The following LOC400499 variants were observed in gnomAD, a reference collection of about 807,000 sequenced individuals.
At chr16:11,507,667 C>G in the LOC400499 span, among the ~76,000 whole-genome samples, 3 of 152,230 alleles carry the variant, frequency 2.0e-5, no homozygotes, top group African/African-American at 7.2e-5. Context: ...CGCAGTGGCT[C>G]ACGCCTGTAA....
the LOC400499 span, among the ~76,000 whole-genome samples, chr16:11,415,676 G>A: frequency 6.6e-6 from 1 of 152,196 alleles, no homozygotes; most frequent in Non-Finnish European, 1.5e-5. Context: ...TTAACGACAG[G>A]CAGAGCATCC....
chr16:11,391,749 C>T, the LOC400499 span: 36 of 1,232,078 alleles, frequency 2.9e-5, no homozygotes, highest in African/African-American at 3.3e-4. Context: ...TGCCTGGCTC[C>T]GGGCCCACAA....
At chr16:11,492,396 G>A in the LOC400499 span, among the ~76,000 whole-genome samples, 1 of 151,874 alleles carries the variant, frequency 6.6e-6, no homozygotes, top group East Asian at 1.9e-4. Context: ...CTAGGTGACA[G>A]CCATAAACAA....
At chr16:11,493,579 A>C in the LOC400499 span, 2 of 394,928 alleles carry the variant, frequency 5.1e-6, no homozygotes, top group East Asian at 3.6e-5. Context: ...GTGAATTAGC[A>C]AACTGTGGTT....
chr16:11,383,398 A>T, the LOC400499 span, among the ~76,000 whole-genome samples: 2 of 152,162 alleles, frequency 1.3e-5, no homozygotes, highest in Non-Finnish European at 1.5e-5. Flanking sequence ...ACCTGCTCTC[A>T]TGTGAACTAA....
At chr16:11,384,911 A>G in the LOC400499 span, 74 of 1,232,008 alleles carry the variant, frequency 6.0e-5, no homozygotes, top group Non-Finnish European at 7.3e-5. Context: ...GCCCAGAGTC[A>G]GGCTGCAGAG....
chr16:11,447,222 A>C, the LOC400499 span, among the ~76,000 whole-genome samples: 2 of 152,206 alleles, frequency 1.3e-5, no homozygotes, highest in Admixed American at 6.5e-5. Flanking sequence ...GAATCCAGGC[A>C]CGGTCTTTCA....
At chr16:11,372,469 C>T in the LOC400499 span, 1 of 152,294 alleles carries the variant, frequency 6.6e-6, no homozygotes, top group Non-Finnish European at 1.5e-5. Context: ...CGCACTGTCT[C>T]CTGGTTTGCA....
the LOC400499 span, chr16:11,487,394 T>C: frequency 2.5e-6 from 1 of 398,598 alleles, no homozygotes; most frequent in Non-Finnish European, 4.4e-6. Flanking sequence ...ACACTAGGAG[T>C]AAGACAAGAA....
At chr16:11,507,020 C>T in the LOC400499 span, among the ~76,000 whole-genome samples, 239 of 152,304 alleles carry the variant, frequency 1.6e-3, 2 homozygotes, top group Non-Finnish European at 2.9e-3. Context: ...AAGTAAAAGA[C>T]AGCCGCACAG....
the LOC400499 span, among the ~76,000 whole-genome samples, chr16:11,445,668 G>A: frequency 2.6e-5 from 4 of 152,184 alleles, no homozygotes; most frequent in Non-Finnish European, 5.9e-5. Flanking sequence ...AGGCCACGAA[G>A]CAGGGCTGAG....
At chr16:11,414,077 T>C in the LOC400499 span, among the ~76,000 whole-genome samples, 6 of 152,192 alleles carry the variant, frequency 3.9e-5, no homozygotes, top group South Asian at 6.2e-4. Context: ...TGACCCAAGA[T>C]TGCAGGGCAG....
At chr16:11,469,113 G>T in the LOC400499 span, 5 of 399,128 alleles carry the variant, frequency 1.3e-5, no homozygotes, top group Non-Finnish European at 2.2e-5. Flanking sequence ...TGGTACGGGG[G>T]AAGGAAATCC....
chr16:11,507,188 G>T, the LOC400499 span, among the ~76,000 whole-genome samples: 3 of 152,198 alleles, frequency 2.0e-5, no homozygotes, highest in Non-Finnish European at 4.4e-5. Flanking sequence ...AAGCCATGAG[G>T]TTCGGCAGTG....
the LOC400499 span, among the ~76,000 whole-genome samples, chr16:11,416,561 T>C: frequency 6.6e-6 from 1 of 152,124 alleles, no homozygotes; most frequent in Non-Finnish European, 1.5e-5. Context: ...ATCCCTGCCC[T>C]CACAGAGCAC....
chr16:11,448,176 A>G, the LOC400499 span: 2 of 1,368,070 alleles, frequency 1.5e-6, no homozygotes, highest in South Asian at 3.0e-5. Context: ...CCTGCCCATC[A>G]CCCCCAGAAA....
At chr16:11,434,050 G>A in the LOC400499 span, among the ~76,000 whole-genome samples, 2 of 152,210 alleles carry the variant, frequency 1.3e-5, no homozygotes, top group South Asian at 2.1e-4. Flanking sequence ...CTCAGAAGCA[G>A]AGGGAGGACA....
At chr16:11,490,816 T>C in the LOC400499 span, among the ~76,000 whole-genome samples, 1 of 152,374 alleles carries the variant, frequency 6.6e-6, no homozygotes, top group Admixed American at 6.5e-5. Flanking sequence ...CAAGTTCTGA[T>C]GTAATACACA....
the LOC400499 span, among the ~76,000 whole-genome samples, chr16:11,464,843 G>C: frequency 6.6e-6 from 1 of 152,316 alleles, no homozygotes; most frequent in East Asian, 1.9e-4. Flanking sequence ...GAGGCAATCC[G>C]TGCTTGCACA....
Sources: allele counts gnomAD v4.1 joint callset (sites outside exome capture counted in the v4.1 genomes callset), GRCh38; gene constraint gnomAD v4.1.1; transcripts MANE v1.5.